The following C16orf89 variants were observed in gnomAD, a reference collection of about 807,000 sequenced individuals.
The protein encoded by C16orf89 is UPF0764 protein C16orf89.
C16orf89 carries 57 observed loss-of-function variants against 41.5 expected under a neutral mutation model. The ratio of observed to expected loss-of-function variants is 1.38; its 90% CI spans 1.11 to 1.71. The LOEUF (loss-of-function observed/expected upper bound fraction) is 1.71, where lower values mean the gene tolerates loss of function less well. C16orf89 is among the 40% of genes most tolerant of loss of function. The probability of loss-of-function intolerance (pLI) is 0.00; values close to 1 mark genes in which losing one functional copy is unlikely to be tolerated. For missense variants in C16orf89, 575 were observed against 445.9 expected (o/e 1.29, Z -2.61); for synonymous variants, 223 against 190.6 (o/e 1.17, Z -1.40).
At chr16:5,047,167 C>T (rs1956312113) in intron 7 of C16orf89, among the ~76,000 whole-genome samples, 1 of 152,168 alleles carries the variant, frequency 6.6e-6, no homozygotes, top group African/African-American at 2.4e-5. Flanking sequence ...CCTTGTTCAG[C>T]CCCTGCAGGC....
Position 5,060,365 on chromosome 16 carries a change from C to A in C16orf89, c.430G>T (p.Val144Leu). The change falls in exon 3 of 8, where the codon GTG becomes TTG. Residue 144 changes from valine (V) to leucine (L), a missense_variant. Physicochemically the swap from Val to Leu is conservative, Grantham distance 32 (BLOSUM62 1). Transcript: ENST00000472572. ...HAWIHTDASL[V>L]YPTFGPQDSF... ...TCCTGGGGCCCGAACGTGGGGTACA[C>A]CAAGGAGGCATCAGTGTGGATCCAG... is the stretch of plus-strand genomic sequence containing the variant. The A allele has an allele frequency of 6.2e-7, 1 of 1,613,630 alleles. No individual in the cohort carries two copies. The highest frequency in any genetic ancestry group is 8.5e-7 in the Non-Finnish European group (1 of 1,179,840).
At chr16:5,060,545 G>C in intron 2 of C16orf89, 109 bp from the exon 3 acceptor site, 1 of 1,176,398 alleles carries the variant, frequency 8.5e-7, no homozygotes, top group Non-Finnish European at 1.2e-6. Context: ...GGCAGGTGCA[G>C]CTCAGGGCTC....
At chr16:5,049,663 A>G (rs1956362237) in intron 6 of C16orf89, among the ~76,000 whole-genome samples, 1 of 152,232 alleles carries the variant, frequency 6.6e-6, no homozygotes, top group Non-Finnish European at 1.5e-5. Context: ...AAGTGAAAAT[A>G]GAAACACAAT....
At position 5,044,349 on chromosome 16, in the gene C16orf89, C is replaced by G; in HGVS notation, c.1085G>C (p.Ter362SerextTer21). ...GCAGCTGGCATGGAACCGTCCGTCTCAGCGGCTGCTTGGTGGTGGCGGTGT... is the reference window on the plus strand; with the variant it reads ...GCAGCTGGCATGGAACCGTCCGTCTGAGCGGCTGCTTGGTGGTGGCGGTGT... ...PSTPPPPSSR* is the reference protein window; with the variant it reads ...PSTPPPPSSRS The change falls in exon 8 of 8, where the codon TGA becomes TCA. Residue 362 changes from the stop codon to serine, a stop_lost. Coordinates refer to ENST00000472572, the MANE Select transcript of C16orf89 (RefSeq NM_001098514.3). 6 of 1,602,168 alleles carry G rather than the reference C, an allele frequency of 3.7e-6. No homozygotes were observed. Among genetic ancestry groups the G allele is most frequent in the Non-Finnish European group, 5.1e-6 (6 of 1,175,120 alleles).
At chr16:5,058,975 T>C (rs1956564201) in intron 3 of C16orf89, among the ~76,000 whole-genome samples, 1 of 152,052 alleles carries the variant, frequency 6.6e-6, no homozygotes, top group Non-Finnish European at 1.5e-5. Flanking sequence ...CGCGGTGGCT[T>C]ACACCTATAA....
intron 6 of C16orf89, among the ~76,000 whole-genome samples, chr16:5,050,309 A>C (rs377037850): frequency 6.6e-6 from 1 of 152,082 alleles, no homozygotes; most frequent in East Asian, 1.9e-4. Flanking sequence ...TGGAGGTTGC[A>C]GTGAGCTGAG....
intron 4 of C16orf89, among the ~76,000 whole-genome samples, chr16:5,057,834 C>T (rs537342972): frequency 6.6e-6 from 1 of 151,754 alleles, no homozygotes; most frequent in African/African-American, 2.4e-5. Context: ...CGGCCTCATT[C>T]ATTTGTTTTT....
intron 4 of C16orf89, 95 bp downstream of exon 4, chr16:5,058,398 G>T (rs1956551361): frequency 1.8e-6 from 2 of 1,127,802 alleles, no homozygotes; most frequent in Non-Finnish European, 1.3e-6. Flanking sequence ...CTCCCAAAGT[G>T]CTTGGATTAC....
At chr16:5,044,897 G>A in intron 7 of C16orf89, 2 of 1,250,522 alleles carry the variant, frequency 1.6e-6, no homozygotes, top group Non-Finnish European at 2.0e-6. Context: ...GCAAGACGCT[G>A]AGTGGGTGCT....
chr16:5,060,445 G>T lies in C16orf89; in HGVS notation c.359-9C>A. On this transcript the variant is annotated splice_polypyrimidine_tract_variant and intron_variant, in intron 2 of 7. Coordinates refer to ENST00000472572, the MANE Select transcript of C16orf89 (RefSeq NM_001098514.3). The stretch of plus-strand genomic sequence containing the variant: ...GAGGGTCAGCTGGAACTCTGGCAGA[G>T]AGGACAGATAGATGGGGTGGGGTGT... 6.2e-7 allele frequency: 1 copy of T among 1,610,146 alleles called. No homozygotes were observed. Among genetic ancestry groups the T allele is most frequent in the Non-Finnish European group, 8.5e-7 (1 of 1,178,026 alleles).
rs896070795 is a variant in C16orf89, at chr16:5,055,746, C to T, written c.763+307G>A. 5 of 1,534,284 alleles carry T rather than the reference C, an allele frequency of 3.3e-6. No homozygotes were observed. In the African/African-American group the frequency reaches 6.8e-5, roughly 21 times the overall value. ...AGCCTTTGGGGGCAGGAAACTGTCA[C>T]ACAGTGGCAGGTAAAATACAGGATG... On this transcript the variant is annotated intron_variant, in intron 5 of 7. Coordinates refer to ENST00000472572, the MANE Select transcript of C16orf89 (RefSeq NM_001098514.3).
intron 6 of C16orf89, among the ~76,000 whole-genome samples, chr16:5,053,234 G>A (rs1956429919): frequency 6.6e-6 from 1 of 152,096 alleles, no homozygotes; most frequent in Admixed American, 6.5e-5. Flanking sequence ...GCTGGGCGTG[G>A]TGGCATGCAC....
In C16orf89 at chr16:5,056,153, C is replaced by G. The variant is rs777560889; in HGVS notation, c.663G>C (p.Gln221His). 2 of 1,595,320 alleles carry G rather than the reference C, an allele frequency of 1.3e-6. No homozygotes were observed. The highest frequency in any genetic ancestry group is 1.7e-6 in the Non-Finnish European group (2 of 1,164,106). The change falls in exon 5 of 8, where the codon CAG becomes CAC. Residue 221 changes from glutamine to histidine, a missense_variant. Physicochemically the swap from Gln to His is conservative, Grantham distance 24 (BLOSUM62 0). Coordinates refer to ENST00000472572, the MANE Select transcript of C16orf89 (RefSeq NM_001098514.3). Reference sequence around the variant, plus strand: ...TGGCGCAGAAGAGGTTGATATAGTCCTGGCTCTGTTGGAGTGGTCCCTGTG... The same window carrying G: ...TGGCGCAGAAGAGGTTGATATAGTCGTGGCTCTGTTGGAGTGGTCCCTGTG... Reference protein sequence around the residue: ...GCTQGPLQQSQDYINLFCANM... With the variant: ...GCTQGPLQQSHDYINLFCANM...
intron 7 of C16orf89, among the ~76,000 whole-genome samples, chr16:5,046,626 C>G (rs1270211395): frequency 6.6e-6 from 1 of 152,204 alleles, no homozygotes; most frequent in Non-Finnish European, 1.5e-5. Flanking sequence ...GCTAGGATTA[C>G]AGGCATGAGC....
chr16:5,058,263 G>T (rs1034992706), intron 4 of C16orf89, among the ~76,000 whole-genome samples: 8 of 151,928 alleles, frequency 5.3e-5, no homozygotes, highest in African/African-American at 1.9e-4. Context: ...TTGTAGCTGG[G>T]ATTACAGGTG....
Position 5,060,404 on chromosome 16 carries a change from T to A in C16orf89, c.391A>T (p.Lys131Ter), listed in dbSNP as rs185769946. 1.1e-5 allele frequency: 18 copies of A among 1,612,676 alleles called. No individual in the cohort carries two copies. The East Asian group carries it at 4.0e-4, about 36-fold the overall frequency. Residue 131 changes from lysine (K) to a stop codon, truncating the protein, a stop_gained, in exon 3 of 8, where the codon AAG (lysine) becomes TAG (stop). Transcript: ENST00000472572. LOFTEE classifies it high-confidence loss of function. ...GTGTGGATCCAGGCATGTGGGAGCT[T>A]CCAAAACCCGGGCTGGAGGGTCAGC... Reference protein sequence around the residue: ...FQLTLQPGFWKLPHAWIHTDA... With the variant: ...FQLTLQPGFW
intron 6 of C16orf89, among the ~76,000 whole-genome samples, chr16:5,048,310 A>G (rs1031751094): frequency 3.9e-5 from 6 of 152,168 alleles, no homozygotes; most frequent in Non-Finnish European, 8.8e-5. Flanking sequence ...ACTGGATTAT[A>G]TGTGTGAGCC....
chr16:5,055,455 G>T, intron 5 of C16orf89, 105 bp from the exon 6 acceptor site: 1 of 1,143,688 alleles, frequency 8.7e-7, no homozygotes, highest in South Asian at 1.4e-5. Context: ...GCCTGGGTTA[G>T]GCTTAGGAGG....
intron 6 of C16orf89, among the ~76,000 whole-genome samples, chr16:5,051,656 C>G (rs542634854): frequency 6.6e-6 from 1 of 152,044 alleles, no homozygotes; most frequent in South Asian, 2.1e-4. Context: ...AATCAAAATA[C>G]CAATGACATT....
Sources: gnomAD v4.1 joint callset for allele counts (sites outside exome capture counted in the v4.1 genomes callset) on GRCh38, gnomAD v4.1.1 for gene constraint, MANE v1.5 for transcripts, NCBI Gene and HGNC (gene_info 2026-07-23, HGNC 2026-07-21) for gene names.